The following FAM24B variants were observed in gnomAD, a reference collection of about 807,000 sequenced individuals.
FAM24B encodes protein FAM24B.
In FAM24B, 3 loss-of-function variants were observed where a neutral mutation model predicts 2.3. That is an observed-to-expected ratio of 1.29 (90% CI 0.59 to 3.32). The LOEUF (loss-of-function observed/expected upper bound fraction) is 3.32, where lower values mean the gene tolerates loss of function less well. FAM24B is among the 30% of genes most tolerant of loss of function. The pLI is 0.03. For synonymous variants in FAM24B, 36 were observed against 46.3 expected (o/e 0.78, Z 0.90); for missense variants, 98 against 117.2 (o/e 0.84, Z 0.76).
chr10:122,861,863 G>A (rs994116009), intron 1 of FAM24B, among the ~76,000 whole-genome samples: 1 of 152,134 alleles, frequency 6.6e-6, no homozygotes, highest in African/African-American at 2.4e-5. Context: ...TGCTCTAACA[G>A]TACCCACTGA....
At chr10:122,849,778 T>G (rs1389900268) in intron 3 of FAM24B, among the ~76,000 whole-genome samples, 7 of 151,848 alleles carry the variant, frequency 4.6e-5, no homozygotes, top group Non-Finnish European at 1.0e-4. Flanking sequence ...TGTGAACTCC[T>G]TAGAATGGGG....
intron 1 of FAM24B, among the ~76,000 whole-genome samples, chr10:122,858,555 TA>T (rs545508678): frequency 1.1e-3 from 160 of 147,074 alleles, no homozygotes; most frequent in South Asian, 2.0e-3. Context: ...AGTGTAATAA[TA>T]AAAAAAAAAG....
chr10:122,870,048 TAAA>T lies in FAM24B; in HGVS notation c.-178+9434_-178+9436del, dbSNP rs886762728. Among the ~76,000 whole-genome samples, 228 of 151,954 alleles carry T rather than the reference TAAA, an allele frequency of 1.5e-3. 1 individual carries two copies. Among genetic ancestry groups the T allele is most frequent in the African/African-American group, 5.3e-3 (220 of 41,410 alleles). The stretch of plus-strand genomic sequence containing the variant: ...ATTGATAGACCGCTAGTAAGACTAA[TAAA>T]GAAGAAAAGAGAGAAGAATCACATA... On this transcript the variant is annotated intron_variant, in intron 1 of 3. Coordinates refer to ENST00000368898, the MANE Select transcript of FAM24B (RefSeq NM_152644.3).
In FAM24B at chr10:122,872,313, C is replaced by T. The variant is rs1007869707; in HGVS notation, c.-178+7172G>A. ...AGGTGCTGGAGAGGATGTGGAGAAACAGGAACACTTTTACACTGTTGGTGG... is the reference window on the plus strand; with the variant it reads ...AGGTGCTGGAGAGGATGTGGAGAAATAGGAACACTTTTACACTGTTGGTGG... On this transcript the variant is annotated intron_variant, in intron 1 of 3. Transcript: ENST00000368898. Among the ~76,000 whole-genome samples, 72 of 152,128 alleles carry T rather than the reference C, an allele frequency of 4.7e-4. No homozygotes were observed. The East Asian group carries it at 5.2e-3, about 11-fold the overall frequency.
In FAM24B at chr10:122,857,779, T is replaced by A. The variant is rs1377226255; in HGVS notation, c.-177-1993A>T. ...AGAATGTTATAAACTCTTGAGGAAGTACAAACCCTTCAAACTCACATTTCT... is the reference window on the plus strand; with the variant it reads ...AGAATGTTATAAACTCTTGAGGAAGAACAAACCCTTCAAACTCACATTTCT... On this transcript the variant is annotated intron_variant, in intron 1 of 3. Transcript: ENST00000368898. 2.7e-4 allele frequency among the ~76,000 whole-genome samples: 41 copies of A among 152,204 alleles called. 1 individual carries two copies. Among genetic ancestry groups the A allele is most frequent in the Non-Finnish European group, 2.9e-5 (2 of 68,034 alleles).
In FAM24B at chr10:122,868,434, G is replaced by T. The variant is rs1403915208; in HGVS notation, c.-178+11051C>A. 3.3e-5 allele frequency among the ~76,000 whole-genome samples: 5 copies of T among 152,022 alleles called. No individual in the cohort carries two copies. The East Asian group carries it at 9.6e-4, about 29-fold the overall frequency. ...TTCAAATTCAGGAAATATAGAGAAC[G>T]CCACAAAGATACTCCTGGAGAAGAG... On this transcript the variant is annotated intron_variant, in intron 1 of 3. Transcript: ENST00000368898.
intron 1 of FAM24B, among the ~76,000 whole-genome samples, chr10:122,866,059 C>T (rs1424001527): frequency 1.3e-5 from 2 of 151,946 alleles, no homozygotes; most frequent in African/African-American, 2.4e-5. Context: ...CATGCCACCA[C>T]ACCTCGTTAG....
intron 1 of FAM24B, among the ~76,000 whole-genome samples, chr10:122,863,193 G>A (rs1013496315): frequency 6.6e-6 from 1 of 152,184 alleles, no homozygotes; most frequent in African/African-American, 2.4e-5. Flanking sequence ...ACAGGTAACA[G>A]TAACATCCAC....
At chr10:122,876,096 C>T (rs116705934) in intron 1 of FAM24B, among the ~76,000 whole-genome samples, 2,376 of 152,308 alleles carry the variant, frequency 0.016, 58 homozygotes, top group African/African-American at 0.054. Context: ...TCTCTCAAGG[C>T]GCTTGCTTGG....
At chr10:122,852,921 T>C (rs1847567457) in intron 2 of FAM24B, among the ~76,000 whole-genome samples, 1 of 152,170 alleles carries the variant, frequency 6.6e-6, no homozygotes, top group African/African-American at 2.4e-5. Flanking sequence ...TCCTGGTCTT[T>C]TGGCCAGAAA....
chr10:122,868,781 A>G lies in FAM24B; in HGVS notation c.-178+10704T>C, dbSNP rs185908356. The stretch of plus-strand genomic sequence containing the variant: ...CCTGCCCTAAAAGACCTCCTGAAGG[A>G]AGCACTAAACATGGAAAGGAACAAC... On this transcript the variant is annotated intron_variant, in intron 1 of 3. Transcript: ENST00000368898. 4.0e-3 allele frequency among the ~76,000 whole-genome samples: 614 copies of G among 152,372 alleles called. 7 individuals are homozygous for G. Among genetic ancestry groups the G allele is most frequent in the African/African-American group, 0.014 (582 of 41,590 alleles).
At chr10:122,865,095 T>C (rs889485183) in intron 1 of FAM24B, among the ~76,000 whole-genome samples, 12 of 152,220 alleles carry the variant, frequency 7.9e-5, no homozygotes, top group Non-Finnish European at 1.0e-4. Context: ...GTCCAACTGC[T>C]GAGTCATTAT....
At chr10:122,849,580 C>T (rs1847492495) in intron 3 of FAM24B, 141 bp from the exon 4 acceptor site, 1 of 650,504 alleles carries the variant, frequency 1.5e-6, no homozygotes, top group African/African-American at 1.9e-5. Flanking sequence ...AGCTCTCTCC[C>T]CCATCCCAAG....
intron 1 of FAM24B, among the ~76,000 whole-genome samples, chr10:122,871,911 T>C (rs1190638920): frequency 2.0e-5 from 3 of 152,072 alleles, no homozygotes; most frequent in Non-Finnish European, 2.9e-5. Context: ...CCAAAAGCAA[T>C]GGCAACAAAA....
intron 1 of FAM24B, among the ~76,000 whole-genome samples, chr10:122,867,337 C>A (rs1847818683): frequency 6.6e-6 from 1 of 152,234 alleles, no homozygotes; most frequent in Non-Finnish European, 1.5e-5. Flanking sequence ...AGGAGGCCTG[C>A]CTGCCTCTGT....
At chr10:122,855,585 G>T (rs1028452154) in intron 2 of FAM24B, 60 bp downstream of exon 2, 3 of 152,132 alleles carry the variant, frequency 2.0e-5, no homozygotes, top group Non-Finnish European at 4.4e-5. Flanking sequence ...CTCATTTCTT[G>T]GGAGGCATTC....
intron 2 of FAM24B, among the ~76,000 whole-genome samples, chr10:122,851,738 G>T (rs1048714585): frequency 6.6e-6 from 1 of 152,208 alleles, no homozygotes; most frequent in Non-Finnish European, 1.5e-5. Context: ...ATAAAGGAGT[G>T]GGGGAGCAAT....
chr10:122,876,361 T>A (rs1847977177), intron 1 of FAM24B, among the ~76,000 whole-genome samples: 1 of 152,220 alleles, frequency 6.6e-6, no homozygotes, highest in African/African-American at 2.4e-5. Context: ...GGTAAAGTAC[T>A]TTCCCTTGAG....
Position 122,849,288 on chromosome 10 carries a change from A to G in FAM24B, c.244T>C (p.Ser82Pro). 6.3e-7 allele frequency: 1 copy of G among 1,588,674 alleles called. No homozygotes were observed. The highest frequency in any genetic ancestry group is 8.6e-7 in the Non-Finnish European group (1 of 1,166,176). The change falls in exon 4 of 4, where the codon TCC becomes CCC. Residue 82 changes from serine to proline, a missense_variant. Physicochemically the swap from Ser to Pro is moderately conservative, Grantham distance 74 (BLOSUM62 -1). Transcript: ENST00000368898. ...ATGTCGCAACAGCAAGGTGGCAGGG[A>G]ATCAAAACTGGCACACATTCTATAT... ...EGYRMCASFD[S>P]LPPCCCDINE...
Sources: gnomAD v4.1 joint callset for allele counts (sites outside exome capture counted in the v4.1 genomes callset) on GRCh38, gnomAD v4.1.1 for gene constraint, MANE v1.5 for transcripts, NCBI Gene and HGNC (gene_info 2026-07-23, HGNC 2026-07-21) for gene names.